The following SLC25A13 variants were observed in gnomAD, a reference collection of about 807,000 sequenced individuals.
SLC25A13 encodes solute carrier family 25 member 13, also known as electrogenic aspartate/glutamate antiporter SLC25A13, mitochondrial.
SLC25A13 carries 70 observed loss-of-function variants against 85.5 expected under a neutral mutation model. The ratio of observed to expected loss-of-function variants is 0.82; its 90% CI spans 0.68 to 1.00. The LOEUF (loss-of-function observed/expected upper bound fraction) is 1.00. Ranked by LOEUF, SLC25A13 falls within the 50% of genes least tolerant of loss-of-function variation. The probability of loss-of-function intolerance (pLI) is 0.00; values close to 1 mark genes in which losing one functional copy is unlikely to be tolerated. For missense variants in SLC25A13, 765 were observed against 819.8 expected (o/e 0.93, Z 0.82); for synonymous variants, 259 against 288.7 (o/e 0.90, Z 1.04).
At chr7:96,249,121 C>T (rs141016000) in intron 3 of SLC25A13, among the ~76,000 whole-genome samples, 415 of 152,248 alleles carry the variant, frequency 2.7e-3, no homozygotes, top group Middle Eastern at 0.02. Flanking sequence ...GCCTGGGCAA[C>T]GGAGTGAGCT....
intron 13 of SLC25A13, among the ~76,000 whole-genome samples, chr7:96,158,797 G>T (rs1793386511): frequency 6.6e-6 from 1 of 152,128 alleles, no homozygotes; most frequent in African/African-American, 2.4e-5. Flanking sequence ...TCATTAAGAC[G>T]AATACACAAG....
chr7:96,243,755 G>A (rs1293367618), intron 3 of SLC25A13, among the ~76,000 whole-genome samples: 1 of 152,142 alleles, frequency 6.6e-6, no homozygotes, highest in Non-Finnish European at 1.5e-5. Flanking sequence ...ATCAGTGCCA[G>A]CGCCCAAAGC....
At chr7:96,203,824 C>G (rs113184266) in intron 5 of SLC25A13, among the ~76,000 whole-genome samples, 31 of 152,292 alleles carry the variant, frequency 2.0e-4, no homozygotes, top group African/African-American at 7.2e-4. Flanking sequence ...ATGATCGCAT[C>G]TGGCAATTAA....
intron 5 of SLC25A13, among the ~76,000 whole-genome samples, chr7:96,203,969 C>A (rs1434045456): frequency 6.6e-6 from 1 of 152,154 alleles, no homozygotes; most frequent in East Asian, 1.9e-4. Context: ...AGAGTGGGAA[C>A]GGCATCGTAT....
intron 4 of SLC25A13, among the ~76,000 whole-genome samples, chr7:96,222,736 G>A (rs922329271): frequency 6.6e-5 from 10 of 152,146 alleles, no homozygotes; most frequent in South Asian, 2.1e-4. Flanking sequence ...GAGCCACTGC[G>A]CCCGGCTCTT....
chr7:96,284,882 C>T (rs901753733), intron 2 of SLC25A13, among the ~76,000 whole-genome samples: 1 of 152,176 alleles, frequency 6.6e-6, no homozygotes, highest in Non-Finnish European at 1.5e-5. Context: ...TCAGGTATGC[C>T]TTTATTAGCA....
At chr7:96,216,875 C>T (rs1376843649) in intron 4 of SLC25A13, among the ~76,000 whole-genome samples, 4 of 151,564 alleles carry the variant, frequency 2.6e-5, no homozygotes, top group Non-Finnish European at 5.9e-5. Context: ...AATGAACCTG[C>T]ACATGTACCC....
chr7:96,249,508 G>T (rs1297755288), intron 3 of SLC25A13, among the ~76,000 whole-genome samples: 2 of 152,048 alleles, frequency 1.3e-5, no homozygotes, highest in Admixed American at 1.3e-4. Context: ...ATTTTATTTT[G>T]CTCATGGAAG....
At chr7:96,236,973 C>T (rs1205855023) in intron 3 of SLC25A13, among the ~76,000 whole-genome samples, 1 of 152,184 alleles carries the variant, frequency 6.6e-6, no homozygotes, top group African/African-American at 2.4e-5. Context: ...CAAAAACTCA[C>T]CCTCAGTTCA....
chr7:96,124,668 T>A (rs1791653275), intron 15 of SLC25A13, among the ~76,000 whole-genome samples: 2 of 152,336 alleles, frequency 1.3e-5, no homozygotes, highest in South Asian at 4.1e-4. Context: ...TGAAACTTCA[T>A]ATGACTAGAT....
At chr7:96,222,832 T>A (rs1478220284) in intron 4 of SLC25A13, among the ~76,000 whole-genome samples, 1 of 152,220 alleles carries the variant, frequency 6.6e-6, no homozygotes, top group Non-Finnish European at 1.5e-5. Flanking sequence ...TTGTATTATA[T>A]ATAGGTTGTC....
At chr7:96,124,910 A>T (rs963497683) in intron 15 of SLC25A13, among the ~76,000 whole-genome samples, 3 of 152,192 alleles carry the variant, frequency 2.0e-5, no homozygotes, top group African/African-American at 7.2e-5. Flanking sequence ...TAGCATTTGC[A>T]TCCTCCAGCA....
At chr7:96,216,036 T>C (rs1043477242) in intron 4 of SLC25A13, among the ~76,000 whole-genome samples, 1 of 151,660 alleles carries the variant, frequency 6.6e-6, no homozygotes, top group African/African-American at 2.4e-5. Context: ...GTGCCTGTAA[T>C]CCCAGCTACT....
intron 3 of SLC25A13, among the ~76,000 whole-genome samples, chr7:96,239,143 G>C (rs1240844631): frequency 6.8e-6 from 1 of 147,378 alleles, no homozygotes; most frequent in African/African-American, 2.5e-5. Context: ...AAATACTCTG[G>C]TATTTCAGGC....
At chr7:96,240,124 A>G (rs1348502955) in intron 3 of SLC25A13, among the ~76,000 whole-genome samples, 1 of 151,744 alleles carries the variant, frequency 6.6e-6, no homozygotes, top group Non-Finnish European at 1.5e-5. Context: ...TAGCCTGGAG[A>G]TATCTGAAAT....
chr7:96,128,939 G>GCTGTCTCTCT (rs1554336579), intron 15 of SLC25A13, among the ~76,000 whole-genome samples: 1 of 81,850 alleles, frequency 1.2e-5, no homozygotes, highest in East Asian at 3.8e-4. Flanking sequence ...TGCCTTGCTT[G>GCTGTCTCTCT]CTCTCTCTCT....
At chr7:96,246,713 T>C (rs1442920921) in intron 3 of SLC25A13, among the ~76,000 whole-genome samples, 1 of 152,204 alleles carries the variant, frequency 6.6e-6, no homozygotes, top group Non-Finnish European at 1.5e-5. Context: ...CCTCTCTTGA[T>C]GTGACTGTAA....
intron 2 of SLC25A13, among the ~76,000 whole-genome samples, chr7:96,294,258 C>T (rs1007787244): frequency 1.1e-4 from 16 of 141,798 alleles, no homozygotes; most frequent in Middle Eastern, 3.5e-3. Context: ...GGAAGGGGAA[C>T]ATCACACACT....
At chr7:96,251,965 T>C (rs140929079) in intron 3 of SLC25A13, among the ~76,000 whole-genome samples, 1 of 152,326 alleles carries the variant, frequency 6.6e-6, no homozygotes, top group Non-Finnish European at 1.5e-5. Context: ...GAGCCTCAAG[T>C]CATCAATCCT....
Sources: allele counts gnomAD v4.1 joint callset (sites outside exome capture counted in the v4.1 genomes callset), GRCh38; gene constraint gnomAD v4.1.1; transcripts MANE v1.5; gene names NCBI Gene and HGNC (gene_info 2026-07-23, HGNC 2026-07-21).